SLC10A6: variants seen among roughly 807,000 people sequenced by gnomAD.
SLC10A6 encodes the protein solute carrier family 10 member 6.
In SLC10A6, 27 loss-of-function variants were observed where a neutral mutation model predicts 30.0. The observed-to-expected ratio is 0.90, with a 90% CI of 0.66 to 1.24. The LOEUF (loss-of-function observed/expected upper bound fraction) is 1.24, where lower values mean the gene tolerates loss of function less well. Among genes scored for constraint, SLC10A6 ranks in the 50% most tolerant of loss-of-function variants. The pLI is 0.00. For synonymous variants in SLC10A6, 166 were observed against 173.8 expected (o/e 0.95, Z 0.36); for missense variants, 439 against 457.0 (o/e 0.96, Z 0.36).
intron 1 of SLC10A6, among the ~76,000 whole-genome samples, chr4:86,844,168 A>G (rs1746354888): frequency 6.6e-6 from 1 of 152,036 alleles, no homozygotes; most frequent in Admixed American, 6.5e-5. Context: ...ACAGAGCGAG[A>G]CTCCGTCTCA....
chr4:86,846,422 A>T (rs1001884699), intron 1 of SLC10A6, among the ~76,000 whole-genome samples: 1 of 152,102 alleles, frequency 6.6e-6, no homozygotes, highest in African/African-American at 2.4e-5. Context: ...TTCCTCCATA[A>T]ATATAGTCTT....
chr4:86,848,541 A>C (rs6531937), intron 1 of SLC10A6, among the ~76,000 whole-genome samples, 198 bp downstream of exon 1: 135,377 of 152,252 alleles, frequency 0.89, 61,942 homozygotes, highest in Non-Finnish European at 0.99. Context: ...GCCAATAAAG[A>C]AAATGATCAT....
chr4:86,837,079 T>A (rs1381916981), intron 1 of SLC10A6, among the ~76,000 whole-genome samples: 1 of 151,534 alleles, frequency 6.6e-6, no homozygotes, highest in Non-Finnish European at 1.5e-5. Flanking sequence ...CCATATATAT[T>A]TTTGGTCTAA....
chr4:86,849,111 C>G lies in SLC10A6; in HGVS notation c.5G>C (p.Arg2Thr). M[R>T]ANCSSSSACP... Reference sequence around the variant, plus strand: ...GGCTGAGCTGCTGGAACAATTGGCTCTCATCTCCTCATCTCCTTAAGGCAG... The same window carrying G: ...GGCTGAGCTGCTGGAACAATTGGCTGTCATCTCCTCATCTCCTTAAGGCAG... The change falls in exon 1 of 6, where the codon AGA becomes ACA. Residue 2 changes from arginine to threonine, a missense_variant. Physicochemically the swap from Arg to Thr is moderately conservative, Grantham distance 71. Transcript: ENST00000273905. The G allele has an allele frequency of 6.2e-7, 1 of 1,610,508 alleles. No individual in the cohort carries two copies. Among genetic ancestry groups the G allele is most frequent in the Non-Finnish European group, 8.5e-7 (1 of 1,178,320 alleles).
chr4:86,837,267 GAA>G, intron 1 of SLC10A6, among the ~76,000 whole-genome samples: 1 of 119,478 alleles, frequency 8.4e-6, no homozygotes, highest in African/African-American at 3.7e-5. Flanking sequence ...AAGAAAGAAA[GAA>G]AGAAAGAAAG....
rs1745927379 is a variant in SLC10A6 at position 86,823,889 on chromosome 4, G to T, written c.933C>A (p.Tyr311Ter). 12 of 1,610,354 alleles carry T rather than the reference G, an allele frequency of 7.5e-6. No individual in the cohort carries two copies. The highest frequency in any genetic ancestry group is 1.0e-5 in the Non-Finnish European group (12 of 1,178,184). ...GFLIVAAYQT[Y>*]KRRLKNKHGK... Reference sequence around the variant, plus strand: ...CATGTTTGTTCTTCAATCTCCTCTTGTACGTCTGATATGCTAGGTGTTAAA... The same window carrying T: ...CATGTTTGTTCTTCAATCTCCTCTTTTACGTCTGATATGCTAGGTGTTAAA... The change falls in exon 6 of 6, where the codon TAC becomes TAA. Residue 311 changes from tyrosine to a stop codon, truncating the protein, a stop_gained. Coordinates refer to ENST00000273905, the MANE Select transcript of SLC10A6 (RefSeq NM_197965.3). LOFTEE classifies it low-confidence loss of function (END_TRUNC).
chr4:86,837,225 G>GAGAGAGAAAGAA (rs1553899172), intron 1 of SLC10A6, among the ~76,000 whole-genome samples: 12 of 39,136 alleles, frequency 3.1e-4, no homozygotes, highest in East Asian at 9.3e-4. Flanking sequence ...GAGAGAGAGA[G>GAGAGAGAAAGAA]AGAAAGAAAG....
At chr4:86,825,925 T>A (rs1472233282) in intron 4 of SLC10A6, among the ~76,000 whole-genome samples, 1 of 152,160 alleles carries the variant, frequency 6.6e-6, no homozygotes, top group African/African-American at 2.4e-5. Context: ...GAGTGGGATT[T>A]AAGGATGGAA....
intron 1 of SLC10A6, among the ~76,000 whole-genome samples, chr4:86,837,331 A>AGGC (rs1560460491): frequency 7.6e-6 from 1 of 130,886 alleles, no homozygotes; most frequent in African/African-American, 3.2e-5. Context: ...GGAAGGAAGG[A>AGGC]AGGAAGGAAG....
chr4:86,823,900 A>C lies in SLC10A6; in HGVS notation c.922T>G (p.Tyr308Asp). 6.2e-7 allele frequency: 1 copy of C among 1,604,610 alleles called. No homozygotes were observed. Among genetic ancestry groups the C allele is most frequent in the Non-Finnish European group, 8.5e-7 (1 of 1,175,038 alleles). The change falls in exon 6 of 6, where the codon TAT (tyrosine) becomes GAT (aspartate). Residue 308 changes from tyrosine (Y) to aspartate (D), a missense_variant and splice_region_variant. Tyr to Asp is a radical substitution (Grantham distance 160). Coordinates refer to ENST00000273905, the MANE Select transcript of SLC10A6 (RefSeq NM_197965.3). ...LIDGFLIVAA[Y>D]QTYKRRLKNK... ...TTCAATCTCCTCTTGTACGTCTGAT[A>C]TGCTAGGTGTTAAAACATACAAGTA...
chr4:86,838,721 G>A (rs1407397922), intron 1 of SLC10A6, among the ~76,000 whole-genome samples: 2 of 151,754 alleles, frequency 1.3e-5, no homozygotes, highest in African/African-American at 2.4e-5. Flanking sequence ...TCAGGAGTTC[G>A]AGACCAGCTT....
At chr4:86,824,873 CATA>C (rs1355225458) in intron 5 of SLC10A6, among the ~76,000 whole-genome samples, 5 of 152,130 alleles carry the variant, frequency 3.3e-5, no homozygotes, top group African/African-American at 1.2e-4. Context: ...TGTGAACAAA[CATA>C]ATAAAAGACT....
chr4:86,844,051 G>A (rs992265636), intron 1 of SLC10A6, among the ~76,000 whole-genome samples: 31 of 152,142 alleles, frequency 2.0e-4, no homozygotes, highest in African/African-American at 5.3e-4. Flanking sequence ...GGTGGCAGGC[G>A]CCTGTAGTCC....
At chr4:86,836,897 A>G (rs909193893) in intron 1 of SLC10A6, among the ~76,000 whole-genome samples, 2 of 151,906 alleles carry the variant, frequency 1.3e-5, no homozygotes, top group Non-Finnish European at 2.9e-5. Flanking sequence ...AGCTGGGATT[A>G]CAGATGCCCA....
At chr4:86,839,109 A>T (rs936474847) in intron 1 of SLC10A6, among the ~76,000 whole-genome samples, 2 of 151,742 alleles carry the variant, frequency 1.3e-5, no homozygotes, top group Non-Finnish European at 2.9e-5. Flanking sequence ...TTGTTAAATC[A>T]ATAGGATTTT....
intron 1 of SLC10A6, among the ~76,000 whole-genome samples, chr4:86,847,752 A>G (rs1379441390): frequency 6.6e-6 from 1 of 152,218 alleles, no homozygotes; most frequent in African/African-American, 2.4e-5. Context: ...CAGCTCAGTC[A>G]TTACCTCTGA....
At chr4:86,827,047 C>A (rs1328546346) in intron 4 of SLC10A6, among the ~76,000 whole-genome samples, 1 of 152,114 alleles carries the variant, frequency 6.6e-6, no homozygotes, top group African/African-American at 2.4e-5. Flanking sequence ...AGACTTTTGT[C>A]AAAAACTCGA....
intron 1 of SLC10A6, among the ~76,000 whole-genome samples, chr4:86,847,455 T>C (rs1746410188): frequency 1.3e-5 from 2 of 152,246 alleles, no homozygotes; most frequent in Non-Finnish European, 2.9e-5. Flanking sequence ...TGTATATTAA[T>C]GGCTTTTACC....
intron 1 of SLC10A6, among the ~76,000 whole-genome samples, chr4:86,835,706 AAGAAGAAAAGAAAGAAAAGG>A (rs1560459917): frequency 6.6e-6 from 1 of 150,876 alleles, no homozygotes; most frequent in Non-Finnish European, 1.5e-5. Flanking sequence ...GACACAAGAA[AAGAAGAAAAGAAAGAAAAGG>A]AGAAGAAAGA....
Sources: allele counts gnomAD v4.1 joint callset (sites outside exome capture counted in the v4.1 genomes callset), GRCh38; gene constraint gnomAD v4.1.1; transcripts MANE v1.5; gene names NCBI Gene and HGNC (gene_info 2026-07-23, HGNC 2026-07-21).